Variants in ATP1A1 observed in about 807,000 individuals in gnomAD.
ATP1A1 encodes sodium/potassium-transporting ATPase subunit alpha-1.
A neutral mutation model predicts 114.8 loss-of-function variants in ATP1A1; 14 were observed. The ratio of observed to expected loss-of-function variants is 0.12; its 90% CI spans 0.08 to 0.19. The LOEUF (loss-of-function observed/expected upper bound fraction) is 0.19, where lower values mean the gene tolerates loss of function less well. Ranked by LOEUF, ATP1A1 falls within the 10% of genes least tolerant of loss-of-function variation. The pLI is 1.00. For synonymous variants in ATP1A1, 471 were observed against 466.3 expected (o/e 1.01, Z -0.13); for missense variants, 524 against 1,290.7 (o/e 0.41, Z 9.10).
chr1:116,375,884 T>G (rs972497318), intron 1 of ATP1A1, among the ~76,000 whole-genome samples: 1 of 152,200 alleles, frequency 6.6e-6, no homozygotes, highest in African/African-American at 2.4e-5. Context: ...TGGCCTAGCT[T>G]TTGATGATAT....
At chr1:116,380,398 C>A (rs1215314284) in intron 1 of ATP1A1, among the ~76,000 whole-genome samples, 1 of 152,156 alleles carries the variant, frequency 6.6e-6, no homozygotes, top group East Asian at 1.9e-4. Flanking sequence ...GGGAAAAATG[C>A]AGGTTGAGAA....
At chr1:116,375,728 G>A (rs1651320767) in intron 1 of ATP1A1, among the ~76,000 whole-genome samples, 1 of 152,174 alleles carries the variant, frequency 6.6e-6, no homozygotes, top group African/African-American at 2.4e-5. Flanking sequence ...AATATTTCAT[G>A]TTGGGATTTT....
chr1:116,393,071 T>G lies in ATP1A1; in HGVS notation c.1467+83T>G. 1.3e-6 allele frequency: 2 copies of G among 1,555,310 alleles called. No individual in the cohort carries two copies. Among genetic ancestry groups the G allele is most frequent in the Non-Finnish European group, 1.7e-6 (2 of 1,148,980 alleles). On this transcript the variant is annotated intron_variant, in intron 11 of 22. Transcript: ENST00000295598. This position sits in a 1 kb window ranked among gnomAD's most constrained non-coding sequence, Gnocchi z 5.0. ...GGTACATGAGCAGGAAGAGGAAATA[T>G]TCTCCCTTTGGAGTTTTATAAGCTT...
At position 116,398,372 on chromosome 1, in the gene ATP1A1, C is replaced by G. The variant is rs1408719910; in HGVS notation, c.2125-249C>G. On this transcript the variant is annotated intron_variant, in intron 15 of 22. Transcript: ENST00000295598. The surrounding 1 kb of genome is among the most constrained non-coding windows in gnomAD (Gnocchi z 6.1). Reference sequence around the variant, plus strand: ...GGAATGGCATTTTCTGGAGTGCCACCCACCAGAGTCATTACTTTGAGTAGC... The same window carrying G: ...GGAATGGCATTTTCTGGAGTGCCACGCACCAGAGTCATTACTTTGAGTAGC... Among the ~76,000 whole-genome samples, 1 of 152,060 alleles carries G rather than the reference C, an allele frequency of 6.6e-6. No homozygotes were observed. The highest frequency in any genetic ancestry group is 1.5e-5 in the Non-Finnish European group (1 of 68,014).
rs570856434 is a variant in ATP1A1, at chr1:116,401,322, C to G, written c.2849+62C>G. The G allele has an allele frequency of 1.2e-6, 2 of 1,605,416 alleles. No individual in the cohort carries two copies. Among genetic ancestry groups the G allele is most frequent in the Non-Finnish European group, 8.5e-7 (1 of 1,173,136 alleles). ...AGAAGGGGACTGGTGATTTGTAAAC[C>G]CTTTGCCAAAAACTAAACATATGAC... On this transcript the variant is annotated intron_variant, in intron 20 of 22. Transcript: ENST00000295598. The surrounding 1 kb of genome is among the most constrained non-coding windows in gnomAD (Gnocchi z 4.7).
chr1:116,396,516 AT>A (rs570903310), intron 13 of ATP1A1, 81 bp from the exon 14 acceptor site: 31 of 1,524,596 alleles, frequency 2.0e-5, no homozygotes, highest in Non-Finnish European at 2.8e-5. Flanking sequence ...CATCCTTAGT[AT>A]TTACTCTTGC....
rs1206062874 is a variant in ATP1A1, at chr1:116,404,347, T to G, written c.3044-69T>G. On this transcript the variant is annotated intron_variant, in intron 22 of 22. Coordinates refer to ENST00000295598, the MANE Select transcript of ATP1A1 (RefSeq NM_000701.8). The surrounding 1 kb of genome is among the most constrained non-coding windows in gnomAD (Gnocchi z 4.8). ...CCTCCGGTTGGTTTTCATCCCTGTT[T>G]CCCTCTGTAATGCTGGAGCGAGGAA... 8.3e-5 allele frequency: 133 copies of G among 1,602,426 alleles called. No homozygotes were observed. The highest frequency in any genetic ancestry group is 2.7e-5 in the Non-Finnish European group (32 of 1,170,836).
In ATP1A1 at chr1:116,385,060, A is replaced by G; in HGVS notation, c.183+218A>G. 1 of 515,746 alleles carries G rather than the reference A, an allele frequency of 1.9e-6. No individual in the cohort carries two copies. 31.9% of individuals were successfully genotyped at this position (515,746 alleles called of 1,614,324 possible). Reference sequence around the variant, plus strand: ...AAGTAGATGTTATTTTCTTTTCCCTATTTTATAGCAGTTGAGAGCCAGTAA... The same window carrying G: ...AAGTAGATGTTATTTTCTTTTCCCTGTTTTATAGCAGTTGAGAGCCAGTAA... On this transcript the variant is annotated intron_variant, in intron 3 of 22. Coordinates refer to ENST00000295598, the MANE Select transcript of ATP1A1 (RefSeq NM_000701.8). This position sits in a 1 kb window ranked among gnomAD's most constrained non-coding sequence, Gnocchi z 4.3.
At chr1:116,400,808 A>AC in intron 18 of ATP1A1, 53 bp from the exon 19 acceptor site, 1 of 1,602,732 alleles carries the variant, frequency 6.2e-7, no homozygotes, top group Non-Finnish European at 8.5e-7. Context: ...TGAAGGCTAT[A>AC]CAGGTACCCT....
rs748686358 is a variant in ATP1A1 at position 116,399,673 on chromosome 1, G to T, written c.2572+130G>T. The stretch of plus-strand genomic sequence containing the variant: ...TTTCAGGTCTAGGATGAGCCCTAAC[G>T]GAGTGAGCCTGTGGAGTTTCTCTGA... On this transcript the variant is annotated intron_variant, in intron 18 of 22. Transcript: ENST00000295598. The surrounding 1 kb of genome is among the most constrained non-coding windows in gnomAD (Gnocchi z 5.0). The T allele has an allele frequency of 4.7e-6, 6 of 1,283,954 alleles. No individual in the cohort carries two copies. The highest frequency in any genetic ancestry group is 6.4e-6 in the Non-Finnish European group (6 of 942,836). 79.5% of individuals were successfully genotyped at this position (1,283,954 alleles called of 1,614,324 possible).
chr1:116,396,511 T>C (rs1652945930), intron 13 of ATP1A1, 87 bp from the exon 14 acceptor site: 20 of 1,500,440 alleles, frequency 1.3e-5, no homozygotes, highest in Non-Finnish European at 1.7e-5. Context: ...CGAATCATCC[T>C]TAGTATTTAC....
chr1:116,400,720 A>C (rs542432475), intron 18 of ATP1A1, 141 bp from the exon 19 acceptor site: 4 of 1,054,510 alleles, frequency 3.8e-6, no homozygotes, highest in East Asian at 4.9e-5. Flanking sequence ...TGACCAGGCA[A>C]TTCTTTCCTG....
intron 1 of ATP1A1, among the ~76,000 whole-genome samples, chr1:116,375,603 T>A (rs1651311244): frequency 6.6e-6 from 1 of 152,252 alleles, no homozygotes; most frequent in African/African-American, 2.4e-5. Context: ...GCTTGGCTGC[T>A]GGGTGGTAGT....
At chr1:116,378,003 A>G (rs1434418835) in intron 1 of ATP1A1, among the ~76,000 whole-genome samples, 2 of 152,216 alleles carry the variant, frequency 1.3e-5, no homozygotes, top group African/African-American at 4.8e-5. Flanking sequence ...TCACGTTGCT[A>G]TGAATTGAGT....
chr1:116,401,386 C>G lies in ATP1A1; in HGVS notation c.2849+126C>G. The G allele has an allele frequency of 2.6e-6, 4 of 1,514,686 alleles. No individual in the cohort carries two copies. Among genetic ancestry groups the G allele is most frequent in the Non-Finnish European group, 3.6e-6 (4 of 1,116,962 alleles). 93.8% of individuals were successfully genotyped at this position (1,514,686 alleles called of 1,614,324 possible). A position where few individuals can be genotyped will look rare whatever the true frequency, so the allele number is the denominator to read the frequency against. ...TTTCTGGAATCTCTAGTTTATAGAG[C>G]AAATTTAGGAAGCAAGAAATGTAGC... On this transcript the variant is annotated intron_variant, in intron 20 of 22. Coordinates refer to ENST00000295598, the MANE Select transcript of ATP1A1 (RefSeq NM_000701.8). This position sits in a 1 kb window ranked among gnomAD's most constrained non-coding sequence, Gnocchi z 4.7.
rs1653451396 is a variant in ATP1A1, at chr1:116,401,258, GAAGT to G, written c.2849+5_2849+8del. 1 of 1,614,106 alleles carries G rather than the reference GAAGT, an allele frequency of 6.2e-7. No individual in the cohort carries two copies. The highest frequency in any genetic ancestry group is 1.3e-5 in the African/African-American group (1 of 74,944). ...GGAATTCGGTCTTCCAGCAGGGGAT[GAAGT>G]AAGTAATGAAGGACATGTCAAGGCC... On this transcript the variant is annotated splice_donor_variant and coding_sequence_variant, in exon 20 of 23. Coordinates refer to ENST00000295598, the MANE Select transcript of ATP1A1 (RefSeq NM_000701.8). LOFTEE classifies it high-confidence loss of function. The surrounding 1 kb of genome is among the most constrained non-coding windows in gnomAD (Gnocchi z 4.7).
chr1:116,403,464 C>T (rs562066446), intron 21 of ATP1A1, among the ~76,000 whole-genome samples: 23 of 152,350 alleles, frequency 1.5e-4, no homozygotes, highest in African/African-American at 5.5e-4. Context: ...TTGACCCACA[C>T]TGGCAGGTCT....
chr1:116,390,505 T>TA, intron 9 of ATP1A1, 94 bp downstream of exon 9: 1 of 1,249,826 alleles, frequency 8.0e-7, no homozygotes, highest in African/African-American at 1.6e-5. Context: ...TTTTTTTTTT[T>TA]AAGCTCATGG....
chr1:116,397,519 C>T lies in ATP1A1; in HGVS notation c.1974-369C>T, dbSNP rs555507833. Among the ~76,000 whole-genome samples, 2 of 152,174 alleles carry T rather than the reference C, an allele frequency of 1.3e-5. No homozygotes were observed. The highest frequency in any genetic ancestry group is 3.9e-4 in the East Asian group (2 of 5,176). On this transcript the variant is annotated intron_variant, in intron 14 of 22. Transcript: ENST00000295598. The surrounding 1 kb of genome is among the most constrained non-coding windows in gnomAD (Gnocchi z 4.2). ...ATTTTTAGACCACCATTTTGGCAAG[C>T]TGGTCTCGAACTCCTGACCTCAAGT...
Sources: allele counts gnomAD v4.1 joint callset (sites outside exome capture counted in the v4.1 genomes callset), GRCh38; gene constraint gnomAD v4.1.1; non-coding constraint Gnocchi (gnomAD v3.1); transcripts MANE v1.5; gene names NCBI Gene and HGNC (gene_info 2026-07-23, HGNC 2026-07-21).